Variants in CAB39L observed in about 807,000 individuals in gnomAD.
CAB39L encodes calcium-binding protein 39-like.
CAB39L carries 23 observed loss-of-function variants against 39.1 expected under a neutral mutation model. That is an observed-to-expected ratio of 0.59 (90% confidence interval 0.42 to 0.83). The LOEUF (loss-of-function observed/expected upper bound fraction) is 0.83. Among genes scored for constraint, CAB39L ranks in the 40% least tolerant of loss-of-function variants. The pLI, the probability that CAB39L is intolerant of heterozygous loss-of-function variation, is 0.00. For missense variants in CAB39L, 366 were observed against 391.9 expected (o/e 0.93, Z 0.56); for synonymous variants, 126 against 137.2 (o/e 0.92, Z 0.57).
chr13:49,374,167 T>C (rs1180920104), intron 5 of CAB39L, among the ~76,000 whole-genome samples: 1 of 152,212 alleles, frequency 6.6e-6, no homozygotes, highest in Admixed American at 6.5e-5. Flanking sequence ...CATTCACTTA[T>C]AATTATGTTC....
intron 5 of CAB39L, among the ~76,000 whole-genome samples, chr13:49,371,731 G>C (rs1955923849): frequency 6.6e-6 from 1 of 151,814 alleles, no homozygotes; most frequent in Non-Finnish European, 1.5e-5. Flanking sequence ...TGAGTAGCTG[G>C]GACCACAGGC....
intron 3 of CAB39L, among the ~76,000 whole-genome samples, chr13:49,431,970 T>C (rs1192373543): frequency 1.3e-5 from 2 of 152,122 alleles, no homozygotes; most frequent in Admixed American, 1.3e-4. Flanking sequence ...AAACTATTAA[T>C]ATACATTACA....
chr13:49,342,844 G>C (rs1471964051), intron 8 of CAB39L, among the ~76,000 whole-genome samples: 1 of 152,128 alleles, frequency 6.6e-6, no homozygotes, highest in Non-Finnish European at 1.5e-5. Flanking sequence ...AAAATAGCTT[G>C]ATCATTTTTC....
At chr13:49,429,161 C>CCATA (rs1182981888) in intron 3 of CAB39L, among the ~76,000 whole-genome samples, 1 of 152,164 alleles carries the variant, frequency 6.6e-6, no homozygotes, top group Non-Finnish European at 1.5e-5. Context: ...AATGGTATGA[C>CCATA]CATAGCTCAC....
intron 3 of CAB39L, among the ~76,000 whole-genome samples, chr13:49,414,960 G>A (rs944334702): frequency 7.2e-5 from 11 of 152,090 alleles, no homozygotes; most frequent in Admixed American, 5.2e-4. Context: ...TTGGGAGGCC[G>A]AGGTGGAGGT....
chr13:49,311,669 T>G (rs113243059), intron 10 of CAB39L, among the ~76,000 whole-genome samples: 5,697 of 151,934 alleles, frequency 0.037, 353 homozygotes, highest in African/African-American at 0.13. Flanking sequence ...AGTGTTTATG[T>G]CTTAGTTTTT....
intron 3 of CAB39L, chr13:49,393,226 A>T (rs1380756481): frequency 1.3e-5 from 2 of 152,176 alleles, no homozygotes; most frequent in African/African-American, 4.8e-5. Context: ...CATGATAAAT[A>T]TACATACAGC....
intron 5 of CAB39L, among the ~76,000 whole-genome samples, chr13:49,375,284 A>C (rs892641974): frequency 5.9e-5 from 9 of 152,168 alleles, no homozygotes; most frequent in Non-Finnish European, 1.3e-4. Flanking sequence ...ACTGACCATG[A>C]AAGAGCAGAG....
At position 49,366,243 on chromosome 13, in the gene CAB39L, C is replaced by T. The variant is rs77606971; in HGVS notation, c.277-6411G>A. ...AGAAACAATGAATAAGATCTAGTAA[C>T]ACCAAGGATAAATGCTTGAGAGGAT... On this transcript the variant is annotated intron_variant, in intron 5 of 10. Transcript: ENST00000409308. Among the ~76,000 whole-genome samples the T allele has an allele frequency of 6.1e-4, 92 of 151,906 alleles. No individual in the cohort carries two copies. The East Asian group carries it at 0.015, about 25-fold the overall frequency.
chr13:49,360,499 T>C (rs1955603060), intron 5 of CAB39L, among the ~76,000 whole-genome samples: 1 of 152,230 alleles, frequency 6.6e-6, no homozygotes, highest in Non-Finnish European at 1.5e-5. Context: ...AGAGTCCTCA[T>C]GGACAAGACC....
chr13:49,400,992 C>T (rs1163422242), intron 3 of CAB39L: 1 of 152,004 alleles, frequency 6.6e-6, no homozygotes, highest in Non-Finnish European at 1.5e-5. Context: ...AACAGCAATT[C>T]ATTATGCACA....
At chr13:49,374,445 C>T (rs1044997820) in intron 5 of CAB39L, among the ~76,000 whole-genome samples, 2 of 151,938 alleles carry the variant, frequency 1.3e-5, no homozygotes, top group African/African-American at 4.8e-5. Context: ...TTCTTTTCTC[C>T]AAGGATTCCA....
intron 10 of CAB39L, among the ~76,000 whole-genome samples, chr13:49,316,894 G>C (rs2138336811): frequency 6.6e-6 from 1 of 152,282 alleles, no homozygotes; most frequent in South Asian, 2.1e-4. Flanking sequence ...TAGGGATATA[G>C]AGGAGAACGC....
At position 49,382,880 on chromosome 13, in the gene CAB39L, G is replaced by C. The variant is rs370654318; in HGVS notation, c.31C>G (p.His11Asp). 2 of 1,611,004 alleles carry C rather than the reference G, an allele frequency of 1.2e-6. No homozygotes were observed. The highest frequency in any genetic ancestry group is 8.5e-7 in the Non-Finnish European group (1 of 1,178,538). MKKMPLFSKSHKNPAEIVKIL... is the reference protein window; with the variant it reads MKKMPLFSKSDKNPAEIVKIL... ...TTCACAATTTCTGCTGGATTTTTGT[G>C]TGATTTACTAAACAAAGGCATTTTT... Residue 11 changes from histidine (H) to aspartate (D), a missense_variant, in exon 4 of 11, where the codon CAC becomes GAC. Physicochemically the swap from His to Asp is moderately conservative, Grantham distance 81. Transcript: ENST00000409308.
intron 3 of CAB39L, among the ~76,000 whole-genome samples, chr13:49,429,026 A>T (rs1427462179): frequency 6.6e-6 from 1 of 152,228 alleles, no homozygotes; most frequent in East Asian, 1.9e-4. Context: ...AATATTCCTC[A>T]CTATAATTAT....
At chr13:49,410,242 G>C (rs1027139154) in intron 3 of CAB39L, among the ~76,000 whole-genome samples, 12 of 152,114 alleles carry the variant, frequency 7.9e-5, no homozygotes, top group Admixed American at 7.9e-4. Context: ...GTCCTTCTTT[G>C]CTGGATCCAT....
intron 10 of CAB39L, among the ~76,000 whole-genome samples, chr13:49,323,582 G>A (rs111419673): frequency 3.2e-4 from 48 of 151,562 alleles, no homozygotes; most frequent in African/African-American, 1.1e-3. Flanking sequence ...AGGGGAAGCC[G>A]CCTGCACAAA....
chr13:49,384,675 T>A (rs1956320433), intron 3 of CAB39L, among the ~76,000 whole-genome samples: 1 of 152,178 alleles, frequency 6.6e-6, no homozygotes, highest in African/African-American at 2.4e-5. Context: ...AAAGTCAAAA[T>A]TACTCCTTTA....
chr13:49,332,321 G>A (rs1408481958), intron 9 of CAB39L, among the ~76,000 whole-genome samples: 6 of 152,060 alleles, frequency 3.9e-5, no homozygotes, highest in African/African-American at 1.4e-4. Flanking sequence ...TTTTTAGTTG[G>A]TCTTTGCTGC....
Sources: gnomAD v4.1 joint callset for allele counts (sites outside exome capture counted in the v4.1 genomes callset) on GRCh38, gnomAD v4.1.1 for gene constraint, MANE v1.5 for transcripts, NCBI Gene and HGNC (gene_info 2026-07-23, HGNC 2026-07-21) for gene names.